LRRC4B: variants seen among roughly 807,000 people sequenced by gnomAD.
LRRC4B encodes the protein leucine-rich repeat-containing protein 4B.
Under a neutral mutation model 7.3 loss-of-function variants are expected in LRRC4B, and 1 was observed. The ratio of observed to expected loss-of-function variants is 0.14; its 90% CI spans 0.05 to 0.65. LRRC4B has a LOEUF of 0.65. Among genes scored for constraint, LRRC4B ranks in the 30% least tolerant of loss-of-function variants. The probability of loss-of-function intolerance (pLI) is 0.84; values close to 1 mark genes in which losing one functional copy is unlikely to be tolerated. For synonymous variants in LRRC4B, 500 were observed against 499.2 expected (o/e 1.00, Z -0.02); for missense variants, 730 against 1,041.6 (o/e 0.70, Z 4.12).
rs1401056780 is a variant in LRRC4B, at chr19:50,517,449, A to G, written c.*122T>C. 48 of 910,812 alleles carry G rather than the reference A, an allele frequency of 5.3e-5. No homozygotes were observed. The highest frequency in any genetic ancestry group is 6.3e-5 in the Non-Finnish European group (43 of 685,892). 56.4% of individuals were successfully genotyped at this position (910,812 alleles called of 1,614,324 possible). ...TGGGGCTGGAAGCCACCTCTCCCCA[A>G]TTCCCTGCGTGGTCCCAGAAGGTGG... is the stretch of plus-strand genomic sequence containing the variant. On this transcript the variant is annotated 3_prime_UTR_variant, in exon 3 of 3. Transcript: ENST00000652263. The surrounding 1 kb of genome is among the most constrained non-coding windows in gnomAD (Gnocchi z 6.6).
intron 1 of LRRC4B, among the ~76,000 whole-genome samples, chr19:50,564,051 G>T (rs1445974553): frequency 6.6e-6 from 1 of 152,102 alleles, no homozygotes; most frequent in Non-Finnish European, 1.5e-5. Flanking sequence ...GGCACAAAGA[G>T]ATGGAGCAGA....
At chr19:50,546,506 T>C (rs1432040554) in intron 2 of LRRC4B, among the ~76,000 whole-genome samples, 2 of 152,014 alleles carry the variant, frequency 1.3e-5, no homozygotes, top group East Asian at 3.9e-4. Flanking sequence ...TCCATGTCTC[T>C]GGGTGGGGCA....
chr19:50,554,685 G>A (rs1982212405), intron 1 of LRRC4B, among the ~76,000 whole-genome samples: 1 of 152,200 alleles, frequency 6.6e-6, no homozygotes, highest in South Asian at 2.1e-4. Flanking sequence ...CACACATCTG[G>A]CACTGACTGG....
rs140103778 is a variant in LRRC4B, at chr19:50,548,258, C to T, written c.297+284G>A. Among the ~76,000 whole-genome samples, 10 of 152,264 alleles carry T rather than the reference C, an allele frequency of 6.6e-5. No homozygotes were observed. The highest frequency in any genetic ancestry group is 2.1e-4 in the South Asian group (1 of 4,822). On this transcript the variant is annotated intron_variant, in intron 2 of 2. Transcript: ENST00000652263. This position sits in a 1 kb window ranked among gnomAD's most constrained non-coding sequence, Gnocchi z 6.8. ...AGGGACTCCAGGGCTCGGCCTAGGC[C>T]GACCCGCCTGTCCTGTGCCGGGGGG...
Position 50,529,984 on chromosome 19 carries a change from C to G in LRRC4B, c.298-10569G>C, listed in dbSNP as rs545356291. On this transcript the variant is annotated intron_variant, in intron 2 of 2. Transcript: ENST00000652263. ...TTCAGGGTCCCTTTTCTCAGTGGGC[C>G]CCCCCTAGCTCATCCTCCCCGTCCA... Among the ~76,000 whole-genome samples, 588 of 151,432 alleles carry G rather than the reference C, an allele frequency of 3.9e-3. 4 individuals are homozygous for G. The highest frequency in any genetic ancestry group is 6.4e-3 in the Non-Finnish European group (434 of 67,874).
intron 2 of LRRC4B, among the ~76,000 whole-genome samples, chr19:50,521,036 G>A (rs1354177843): frequency 6.6e-6 from 1 of 152,154 alleles, no homozygotes; most frequent in Non-Finnish European, 1.5e-5. Context: ...AGGTGTGGCC[G>A]TGTAAAGGAT....
At chr19:50,535,266 G>A (rs923742711) in intron 2 of LRRC4B, among the ~76,000 whole-genome samples, 3 of 152,116 alleles carry the variant, frequency 2.0e-5, no homozygotes, top group East Asian at 1.9e-4. Flanking sequence ...TCCGCCTCCT[G>A]GGTTCAAGTG....
At position 50,519,860 on chromosome 19, in the gene LRRC4B, A is replaced by G. The variant is rs1980477839; in HGVS notation, c.298-445T>C. On this transcript the variant is annotated intron_variant, in intron 2 of 2. Coordinates refer to ENST00000652263, the MANE Select transcript of LRRC4B (RefSeq NM_001080457.2). This position sits in a 1 kb window ranked among gnomAD's most constrained non-coding sequence, Gnocchi z 8.1. ...TGCACTCCTGCCTGGGCAACAGAGCAAGACTCCATGTAGAAACAAACAAAA... is the reference window on the plus strand; with the variant it reads ...TGCACTCCTGCCTGGGCAACAGAGCGAGACTCCATGTAGAAACAAACAAAA... 6.6e-6 allele frequency among the ~76,000 whole-genome samples: 1 copy of G among 151,748 alleles called. No homozygotes were observed. The highest frequency in any genetic ancestry group is 1.5e-5 in the Non-Finnish European group (1 of 67,936).
intron 1 of LRRC4B, among the ~76,000 whole-genome samples, chr19:50,561,942 C>CAAATAAATAAAT (rs139268581): frequency 6.1e-5 from 9 of 147,708 alleles, no homozygotes; most frequent in African/African-American, 1.3e-4. Flanking sequence ...CCATAAAATA[C>CAAATAAATAAAT]AAATAAATAA....
At position 50,531,152 on chromosome 19, in the gene LRRC4B, C is replaced by T. The variant is rs191939070; in HGVS notation, c.298-11737G>A. 2.5e-3 allele frequency among the ~76,000 whole-genome samples: 378 copies of T among 152,356 alleles called. 1 individual carries two copies. Among genetic ancestry groups the T allele is most frequent in the African/African-American group, 8.6e-3 (358 of 41,584 alleles). On this transcript the variant is annotated intron_variant, in intron 2 of 2. Transcript: ENST00000652263. Reference sequence around the variant, plus strand: ...GGGCCTCAGCCCCCTCCATGCCCACCTCCTGCCTGCAGCTCCCGGAGCCTC... The same window carrying T: ...GGGCCTCAGCCCCCTCCATGCCCACTTCCTGCCTGCAGCTCCCGGAGCCTC...
At position 50,517,545 on chromosome 19, in the gene LRRC4B, C is replaced by A; in HGVS notation, c.*26G>T. The A allele has an allele frequency of 8.5e-6, 12 of 1,411,110 alleles. No individual in the cohort carries two copies. The highest frequency in any genetic ancestry group is 1.0e-5 in the Non-Finnish European group (11 of 1,082,528). 87.4% of individuals were successfully genotyped at this position (1,411,110 alleles called of 1,614,324 possible). ...TGGGACCTGGGTGGGGGGCTCCACG[C>A]CCCTCGCCCGCCCGGCCCCGCCGCC... On this transcript the variant is annotated 3_prime_UTR_variant, in exon 3 of 3. Transcript: ENST00000652263. This position sits in a 1 kb window ranked among gnomAD's most constrained non-coding sequence, Gnocchi z 6.6.
intron 1 of LRRC4B, among the ~76,000 whole-genome samples, chr19:50,551,350 C>G (rs1982053140): frequency 6.6e-6 from 1 of 151,498 alleles, no homozygotes; most frequent in Non-Finnish European, 1.5e-5. Flanking sequence ...CCGCGCCCCC[C>G]CCACTGGCCT....
chr19:50,549,006 G>A, intron 1 of LRRC4B, 133 bp from the exon 2 acceptor site: 1 of 585,482 alleles, frequency 1.7e-6, no homozygotes. Flanking sequence ...GACAGGGAGG[G>A]AGACAGCTGC....
Position 50,518,316 on chromosome 19 carries a change from C to G in LRRC4B, c.1397G>C (p.Ser466Thr). The change falls in exon 3 of 3, where the codon AGC (serine) becomes ACC (threonine). Residue 466 changes from serine (S) to threonine (T), a missense_variant. Coordinates refer to ENST00000652263, the MANE Select transcript of LRRC4B (RefSeq NM_001080457.2). ...ACTGCCCCCAGGGCCGCCCCCGCCG[C>G]TGCCGGTGCCCCCGGCCGCCACGGG... ...VDPVAAGGTG[S>T]GGGGPGGSGG... 6.2e-7 allele frequency: 1 copy of G among 1,605,858 alleles called. No homozygotes were observed. Among genetic ancestry groups the G allele is most frequent in the Non-Finnish European group, 8.5e-7 (1 of 1,177,056 alleles).
At position 50,553,782 on chromosome 19, in the gene LRRC4B, C is replaced by T. The variant is rs1324022113; in HGVS notation, c.-35-4909G>A. Among the ~76,000 whole-genome samples, 1 of 152,140 alleles carries T rather than the reference C, an allele frequency of 6.6e-6. No individual in the cohort carries two copies. Among genetic ancestry groups the T allele is most frequent in the Non-Finnish European group, 1.5e-5 (1 of 68,030 alleles). On this transcript the variant is annotated intron_variant, in intron 1 of 2. Coordinates refer to ENST00000652263, the MANE Select transcript of LRRC4B (RefSeq NM_001080457.2). This position sits in a 1 kb window ranked among gnomAD's most constrained non-coding sequence, Gnocchi z 4.2. ...GTGCTGGGCACATGGCAGTTGCTCA[C>T]CAAACACTGGGTGCAGGGACGGATG...
chr19:50,523,177 G>A (rs1005425846), intron 2 of LRRC4B, among the ~76,000 whole-genome samples: 5 of 152,200 alleles, frequency 3.3e-5, no homozygotes, highest in African/African-American at 1.2e-4. Flanking sequence ...TGACCACGCC[G>A]GGTGCACTGA....
chr19:50,532,114 T>C (rs1313683131), intron 2 of LRRC4B, among the ~76,000 whole-genome samples: 1 of 152,128 alleles, frequency 6.6e-6, no homozygotes, highest in African/African-American at 2.4e-5. Context: ...CACACTCCTG[T>C]AGTCCCAGCT....
intron 1 of LRRC4B, among the ~76,000 whole-genome samples, chr19:50,557,361 G>A (rs915150686): frequency 1.3e-5 from 2 of 152,184 alleles, no homozygotes; most frequent in Non-Finnish European, 2.9e-5. Flanking sequence ...CCTCGCTCTG[G>A]TCACACCCAC....
At chr19:50,523,972 A>C (rs921217965) in intron 2 of LRRC4B, among the ~76,000 whole-genome samples, 9 of 151,686 alleles carry the variant, frequency 5.9e-5, no homozygotes, top group African/African-American at 1.9e-4. Flanking sequence ...AAAAAAAAAA[A>C]CTGGAAGGAC....
Sources: allele counts gnomAD v4.1 joint callset (sites outside exome capture counted in the v4.1 genomes callset), GRCh38; gene constraint gnomAD v4.1.1; non-coding constraint Gnocchi (gnomAD v3.1); transcripts MANE v1.5; gene names NCBI Gene and HGNC (gene_info 2026-07-23, HGNC 2026-07-21).